Variants in GALNT10 observed in about 807,000 individuals in gnomAD.
GALNT10 encodes the protein polypeptide N-acetylgalactosaminyltransferase 10.
A neutral mutation model predicts 75.0 loss-of-function variants in GALNT10; 41 were observed. The observed-to-expected ratio is 0.55, with a 90% CI of 0.43 to 0.71. The LOEUF (loss-of-function observed/expected upper bound fraction) is 0.71, where lower values mean the gene tolerates loss of function less well. GALNT10 is among the 30% of genes least tolerant of loss of function. GALNT10 has a pLI of 0.00. For synonymous variants in GALNT10, 302 were observed against 313.0 expected (o/e 0.96, Z 0.37); for missense variants, 727 against 818.5 (o/e 0.89, Z 1.36).
chr5:154,352,248 C>A lies in GALNT10; in HGVS notation c.568+22510C>A, dbSNP rs1416519087. Among the ~76,000 whole-genome samples the A allele has an allele frequency of 1.3e-5, 2 of 152,224 alleles. No homozygotes were observed. Among genetic ancestry groups the A allele is most frequent in the Admixed American group, 6.5e-5 (1 of 15,284 alleles). ...TCACAAGGGAAGGCTCCCTCAGCCA[C>A]CCCCGGCTCCAGCTACTCTTCCACA... On this transcript the variant is annotated intron_variant, in intron 4 of 11. Coordinates refer to ENST00000297107, the MANE Select transcript of GALNT10 (RefSeq NM_198321.4). This position sits in a 1 kb window ranked among gnomAD's most constrained non-coding sequence, Gnocchi z 4.4.
intron 1 of GALNT10, among the ~76,000 whole-genome samples, chr5:154,208,849 G>A (rs1225279452): frequency 6.6e-6 from 1 of 152,182 alleles, no homozygotes; most frequent in Non-Finnish European, 1.5e-5. Context: ...GGCAGATAGA[G>A]GAACAGCTCC....
intron 1 of GALNT10, among the ~76,000 whole-genome samples, chr5:154,268,965 C>T (rs1313678529): frequency 7.0e-6 from 1 of 142,632 alleles, no homozygotes; most frequent in African/African-American, 2.8e-5. Flanking sequence ...AGTGAGACCC[C>T]CCATCCCTAC....
chr5:154,401,305 G>A (rs546952013), intron 7 of GALNT10, among the ~76,000 whole-genome samples: 8 of 152,308 alleles, frequency 5.3e-5, no homozygotes, highest in Middle Eastern at 6.8e-3. Context: ...GCTGGATGCC[G>A]ACCTGATCAA....
chr5:154,206,133 C>G (rs762528425), intron 1 of GALNT10, among the ~76,000 whole-genome samples: 3 of 152,150 alleles, frequency 2.0e-5, no homozygotes, highest in African/African-American at 7.2e-5. Context: ...TAGCTACTTA[C>G]ATTTCTTTTT....
intron 1 of GALNT10, among the ~76,000 whole-genome samples, chr5:154,227,451 C>CT (rs1192411905): frequency 2.6e-5 from 4 of 151,958 alleles, no homozygotes; most frequent in East Asian, 1.9e-4. Context: ...CTCTGTACAT[C>CT]TTTTTTTTGT....
intron 3 of GALNT10, among the ~76,000 whole-genome samples, chr5:154,309,003 T>C (rs114383426): frequency 0.018 from 2,670 of 152,062 alleles, 79 homozygotes; most frequent in African/African-American, 0.062. Context: ...AACAAACAAA[T>C]AAATGGATTG....
intron 1 of GALNT10, among the ~76,000 whole-genome samples, chr5:154,279,045 G>C (rs892480218): frequency 3.9e-5 from 6 of 152,090 alleles, no homozygotes; most frequent in African/African-American, 1.4e-4. Context: ...CCTGCTTTCA[G>C]TTCTTTTAGA....
chr5:154,274,369 A>C (rs1753917689), intron 1 of GALNT10, among the ~76,000 whole-genome samples: 1 of 152,224 alleles, frequency 6.6e-6, no homozygotes, highest in Admixed American at 6.5e-5. Flanking sequence ...GCTTATGAAC[A>C]CAGACCTGCT....
Position 154,247,700 on chromosome 5 carries a change from A to T in GALNT10, c.160-47116A>T, listed in dbSNP as rs74617242. On this transcript the variant is annotated intron_variant, in intron 1 of 11. Transcript: ENST00000297107. Reference sequence around the variant, plus strand: ...TTTGCTGAAGTTGCTTATCAGCTTAAGGAGATTTTGGGCTGAGACGATGGG... The same window carrying T: ...TTTGCTGAAGTTGCTTATCAGCTTATGGAGATTTTGGGCTGAGACGATGGG... Among the ~76,000 whole-genome samples the T allele has an allele frequency of 3.9e-4, 59 of 152,080 alleles. No homozygotes were observed. The East Asian group carries it at 9.7e-3, about 25-fold the overall frequency.
chr5:154,256,836 C>A (rs962438537), intron 1 of GALNT10, among the ~76,000 whole-genome samples: 5 of 152,094 alleles, frequency 3.3e-5, no homozygotes, highest in African/African-American at 1.2e-4. Flanking sequence ...CATGCACACC[C>A]CATCTCCTCC....
chr5:154,401,921 C>T (rs950859679), intron 7 of GALNT10, among the ~76,000 whole-genome samples: 5 of 152,140 alleles, frequency 3.3e-5, no homozygotes, highest in African/African-American at 4.8e-5. Context: ...CCCCCCATTC[C>T]ACAAATGAGA....
intron 1 of GALNT10, among the ~76,000 whole-genome samples, chr5:154,279,296 G>GTTTTTTTTTTTTT (rs111488218): frequency 2.4e-5 from 2 of 83,846 alleles, no homozygotes; most frequent in African/African-American, 3.4e-5. Flanking sequence ...TGTTGTTGTT[G>GTTTTTTTTTTTTT]TTGTTTTGTT....
At chr5:154,256,353 G>GT (rs1004089623) in intron 1 of GALNT10, among the ~76,000 whole-genome samples, 153 of 18,904 alleles carry the variant, frequency 8.1e-3, no homozygotes, top group South Asian at 0.017. Flanking sequence ...TGTTGTTTTT[G>GT]TTTTTTTTTT....
intron 1 of GALNT10, among the ~76,000 whole-genome samples, chr5:154,259,468 A>G (rs1753665437): frequency 6.6e-6 from 1 of 152,184 alleles, no homozygotes; most frequent in South Asian, 2.1e-4. Flanking sequence ...CTTTGCAATT[A>G]ATAGGTATCT....
At chr5:154,191,283 G>A (rs1405499377) in intron 1 of GALNT10, among the ~76,000 whole-genome samples, 2 of 152,048 alleles carry the variant, frequency 1.3e-5, no homozygotes, top group Non-Finnish European at 2.9e-5. Flanking sequence ...TTCTGTCCCC[G>A]TCTGGTATTC....
chr5:154,289,497 A>G (rs991451631), intron 1 of GALNT10, among the ~76,000 whole-genome samples: 1 of 152,192 alleles, frequency 6.6e-6, no homozygotes, highest in African/African-American at 2.4e-5. Flanking sequence ...CCCTGCCTTC[A>G]AGAAGCTTAC....
At chr5:154,222,002 A>T (rs949147415) in intron 1 of GALNT10, among the ~76,000 whole-genome samples, 1 of 152,124 alleles carries the variant, frequency 6.6e-6, no homozygotes, top group African/African-American at 2.4e-5. Context: ...TGCACATTTT[A>T]AAAGTGTGCA....
chr5:154,264,326 A>C (rs1753747147), intron 1 of GALNT10, among the ~76,000 whole-genome samples: 1 of 151,758 alleles, frequency 6.6e-6, no homozygotes, highest in Non-Finnish European at 1.5e-5. Context: ...AAAAAAAAAA[A>C]AAAAGTGATT....
In GALNT10 at chr5:154,409,437, A is replaced by T. The variant is rs1243792409; in HGVS notation, c.1165-104A>T. On this transcript the variant is annotated intron_variant, in intron 8 of 11. Transcript: ENST00000297107. This position sits in a 1 kb window ranked among gnomAD's most constrained non-coding sequence, Gnocchi z 4.5. ...GGGGCTGGGATTTTTGATGGAACAT[A>T]AAATAAGAAGGGTTGACCTCGACCT... 1.0e-5 allele frequency: 8 copies of T among 800,214 alleles called. No individual in the cohort carries two copies. The highest frequency in any genetic ancestry group is 1.8e-5 in the Non-Finnish European group (8 of 442,010). The allele number at this position is 800,214 out of a possible 1,614,324, so 49.6% of individuals were successfully genotyped here.
Sources: allele counts gnomAD v4.1 joint callset (sites outside exome capture counted in the v4.1 genomes callset), GRCh38; gene constraint gnomAD v4.1.1; non-coding constraint Gnocchi (gnomAD v3.1); transcripts MANE v1.5; gene names NCBI Gene and HGNC (gene_info 2026-07-23, HGNC 2026-07-21).